SEC23A: variants seen among roughly 807,000 people sequenced by gnomAD.
SEC23A encodes the protein SEC23 homolog A, COPII component, also known as protein transport protein Sec23A.
In SEC23A, 56 loss-of-function variants were observed where a neutral mutation model predicts 103.7. That is an observed-to-expected ratio of 0.54 (90% CI 0.44 to 0.67). SEC23A has a LOEUF of 0.67. SEC23A is among the 30% of genes least tolerant of loss of function. The probability of loss-of-function intolerance (pLI) is 0.00; values close to 1 mark genes in which losing one functional copy is unlikely to be tolerated. For synonymous variants in SEC23A, 281 were observed against 293.0 expected, an observed-to-expected ratio of 0.96 and a Z score of 0.42; for missense variants, 784 against 936.4, an observed-to-expected ratio of 0.84 and a Z score of 2.12.
Position 39,061,862 on chromosome 14 carries a change from G to C in SEC23A, c.1408C>G (p.Pro470Ala). 6.2e-7 allele frequency: 1 copy of C among 1,611,788 alleles called. No homozygotes were observed. ...YFEVVNQHNAPIPQGGRGAIQ... is the reference protein window; with the variant it reads ...YFEVVNQHNAAIPQGGRGAIQ... ...GCACCACGCCCTCCTTGAGGAATTG[G>C]AGCATTATGCTGTATAAATATAATG... The change falls in exon 13 of 20, where the codon CCA becomes GCA. Residue 470 changes from proline to alanine, a missense_variant. By Grantham distance (27) the Pro-to-Ala change is conservative. Around this residue, in one of 2 missense-constraint regions of SEC23A, gnomAD observed 683 missense variants for 774.2 expected, o/e 0.88. Transcript: ENST00000307712.
chr14:39,047,899 G>T (rs775762955), intron 15 of SEC23A, among the ~76,000 whole-genome samples: 1 of 152,172 alleles, frequency 6.6e-6, no homozygotes, highest in African/African-American at 2.4e-5. Context: ...ACTGCTCCAG[G>T]TGGAAAATAT....
At chr14:39,063,831 C>G (rs1435768928) in intron 11 of SEC23A, among the ~76,000 whole-genome samples, 2 of 151,686 alleles carry the variant, frequency 1.3e-5, no homozygotes, top group Non-Finnish European at 1.5e-5. Context: ...CCCATCTCTA[C>G]TAAAAACACA....
intron 14 of SEC23A, among the ~76,000 whole-genome samples, chr14:39,053,721 C>T (rs959927751): frequency 1.3e-5 from 2 of 152,148 alleles, no homozygotes; most frequent in African/African-American, 4.8e-5. Flanking sequence ...AGCCACTGGA[C>T]ACAGAAATTC....
At chr14:39,096,314 T>C (rs1439870116) in intron 1 of SEC23A, among the ~76,000 whole-genome samples, 175 bp from the exon 2 acceptor site, 1 of 152,126 alleles carries the variant, frequency 6.6e-6, no homozygotes, top group Non-Finnish European at 1.5e-5. Flanking sequence ...GCGGATCACC[T>C]GAGGTCGGGA....
At chr14:39,074,278 CA>C (rs1566500662) in intron 9 of SEC23A, 136 bp downstream of exon 9, 1 of 676,444 alleles carries the variant, frequency 1.5e-6, no homozygotes, top group Non-Finnish European at 2.6e-6. Flanking sequence ...AAAGGAATAT[CA>C]AAAACTACTA....
At chr14:39,087,378 G>A in intron 5 of SEC23A, 3 of 215,416 alleles carry the variant, frequency 1.4e-5, no homozygotes, top group Non-Finnish European at 9.4e-6. Flanking sequence ...CTATGTGGCA[G>A]GAATACAATG....
chr14:39,041,584 G>A (rs979266419), intron 17 of SEC23A, among the ~76,000 whole-genome samples: 1 of 151,476 alleles, frequency 6.6e-6, no homozygotes, highest in East Asian at 1.9e-4. Context: ...AAAACTCCTG[G>A]GTAGGTCGGG....
chr14:39,070,164 C>T (rs1020869898), intron 9 of SEC23A, among the ~76,000 whole-genome samples: 4 of 152,176 alleles, frequency 2.6e-5, no homozygotes, highest in Admixed American at 6.5e-5. Flanking sequence ...AAGCTCCATG[C>T]GGGCAAAGAT....
At chr14:39,040,991 G>C (rs1444089413) in intron 17 of SEC23A, 104 bp from the exon 18 acceptor site, 4 of 1,361,234 alleles carry the variant, frequency 2.9e-6, no homozygotes, top group African/African-American at 2.9e-5. Context: ...AAAAATTATA[G>C]ACCATTATTC....
At chr14:39,075,846 T>C (rs771602988) in intron 8 of SEC23A, 89 bp downstream of exon 8, 1 of 1,130,024 alleles carries the variant, frequency 8.8e-7, no homozygotes, top group Non-Finnish European at 1.3e-6. Flanking sequence ...TAATACCAAT[T>C]TCTATCAAAA....
chr14:39,041,438 C>A (rs1446629020), intron 17 of SEC23A: 3 of 77,482 alleles, frequency 3.9e-5, no homozygotes, highest in South Asian at 5.7e-4. Context: ...AAAAAAAGCC[C>A]TGTCAGTATT....
chr14:39,069,885 G>C (rs1232376580), intron 9 of SEC23A, among the ~76,000 whole-genome samples: 1 of 152,138 alleles, frequency 6.6e-6, no homozygotes, highest in Non-Finnish European at 1.5e-5. Flanking sequence ...ATAAGGCTCT[G>C]CCTATTCATC....
At chr14:39,086,644 C>T (rs1232292910) in intron 6 of SEC23A, among the ~76,000 whole-genome samples, 1 of 152,030 alleles carries the variant, frequency 6.6e-6, no homozygotes, top group Admixed American at 6.6e-5. Context: ...AAAATAAAAA[C>T]CTTGGCTGCC....
chr14:39,045,450 C>T, intron 15 of SEC23A, 126 bp from the exon 16 acceptor site: 1 of 622,902 alleles, frequency 1.6e-6, no homozygotes. Flanking sequence ...TAAGAATGTT[C>T]TAATTTATAT....
At chr14:39,094,225 CAT>C (rs71130811) in intron 2 of SEC23A, among the ~76,000 whole-genome samples, 20,537 of 95,904 alleles carry the variant, frequency 0.21, 2,504 homozygotes, top group Non-Finnish European at 0.26. Context: ...TATACACATA[CAT>C]ATATATATAT....
intron 14 of SEC23A, among the ~76,000 whole-genome samples, chr14:39,052,837 G>A (rs1012867608): frequency 2.0e-5 from 3 of 152,092 alleles, no homozygotes; most frequent in Admixed American, 6.6e-5. Context: ...AAAATGCTAG[G>A]ACAAGATGCT....
intron 10 of SEC23A, 149 bp from the exon 11 acceptor site, chr14:39,065,142 G>T (rs1886614713): frequency 3.0e-6 from 2 of 677,490 alleles, no homozygotes. Flanking sequence ...CAATCAATAA[G>T]CACTTCTATG....
intron 13 of SEC23A, among the ~76,000 whole-genome samples, chr14:39,059,583 T>C (rs1886397949): frequency 6.6e-6 from 1 of 152,180 alleles, no homozygotes; most frequent in South Asian, 2.1e-4. Flanking sequence ...TAAACTCCTA[T>C]ATAACCATCA....
chr14:39,096,151 T>C lies in SEC23A; in HGVS notation c.-21-12A>G, dbSNP rs1887881017. On this transcript the variant is annotated splice_polypyrimidine_tract_variant and intron_variant, in intron 1 of 19. Coordinates refer to ENST00000307712, the MANE Select transcript of SEC23A (RefSeq NM_006364.4). The stretch of plus-strand genomic sequence containing the variant: ...TTTGATTCTTATTTCTGTATCAAAA[T>C]TTTAAAATATTTTAAAATCCAGGAT... 1 of 1,454,102 alleles carries C rather than the reference T, an allele frequency of 6.9e-7. No individual in the cohort carries two copies. Among genetic ancestry groups the C allele is most frequent in the Non-Finnish European group, 9.7e-7 (1 of 1,034,922 alleles). The allele number at this position is 1,454,102 out of a possible 1,614,324, so 90.1% of individuals were successfully genotyped here.
Sources: allele counts gnomAD v4.1 joint callset (sites outside exome capture counted in the v4.1 genomes callset), GRCh38; gene constraint gnomAD v4.1.1; regional missense constraint gnomAD v4.1.1; transcripts MANE v1.5; gene names NCBI Gene and HGNC (gene_info 2026-07-23, HGNC 2026-07-21).